The following TENM3 variants were observed in gnomAD, a reference collection of about 807,000 sequenced individuals.
TENM3 encodes the protein teneurin-3.
Under a neutral mutation model 255.1 loss-of-function variants are expected in TENM3, and 63 were observed. That is an observed-to-expected ratio of 0.25 (90% confidence interval 0.20 to 0.30). TENM3 has a LOEUF of 0.30. TENM3 is among the 10% of genes least tolerant of loss of function. The pLI is 1.00. For missense variants in TENM3, 2,929 were observed against 3,461.1 expected, an observed-to-expected ratio of 0.85 and a Z score of 3.86; for synonymous variants, 1,306 against 1,322.3, an observed-to-expected ratio of 0.99 and a Z score of 0.27.
the TENM3 span, among the ~76,000 whole-genome samples, chr4:181,971,059 C>T: frequency 1.3e-4 from 20 of 152,116 alleles, no homozygotes; most frequent in African/African-American, 4.6e-4. Flanking sequence ...GTGATCCTCC[C>T]GCCTCGAGCT....
At chr4:182,571,610 A>C (rs562968288) in intron 3 of TENM3, among the ~76,000 whole-genome samples, 1 of 152,352 alleles carries the variant, frequency 6.6e-6, no homozygotes, top group East Asian at 1.9e-4. Context: ...AAAATGTGAA[A>C]GATATAAAAT....
At chr4:181,639,395 C>T in the TENM3 span, among the ~76,000 whole-genome samples, 1 of 152,188 alleles carries the variant, frequency 6.6e-6, no homozygotes, top group Non-Finnish European at 1.5e-5. Flanking sequence ...AAGGCAGCTC[C>T]ACTCCCTGCA....
the TENM3 span, among the ~76,000 whole-genome samples, chr4:181,519,068 C>T: frequency 1.3e-5 from 2 of 152,100 alleles, no homozygotes; most frequent in African/African-American, 4.8e-5. Flanking sequence ...AGGGAAAAAG[C>T]AAATATTTGC....
At chr4:182,219,114 C>T (rs903321994) in intron 1 of TENM3, among the ~76,000 whole-genome samples, 5 of 152,000 alleles carry the variant, frequency 3.3e-5, no homozygotes, top group East Asian at 3.9e-4. Flanking sequence ...CTCAGCTACT[C>T]GGGAGGCTGA....
At chr4:182,316,292 T>C (rs1260085871) in intron 1 of TENM3, among the ~76,000 whole-genome samples, 1 of 152,202 alleles carries the variant, frequency 6.6e-6, no homozygotes, top group East Asian at 1.9e-4. Context: ...TGTGTTTAGT[T>C]TACTGCTAAT....
At chr4:182,441,522 G>T (rs1772486782) in intron 3 of TENM3, among the ~76,000 whole-genome samples, 1 of 151,892 alleles carries the variant, frequency 6.6e-6, no homozygotes, top group Non-Finnish European at 1.5e-5. Flanking sequence ...TTTTGAGATG[G>T]AGTCTCGCTC....
chr4:181,748,475 G>C, the TENM3 span, among the ~76,000 whole-genome samples: 1 of 152,050 alleles, frequency 6.6e-6, no homozygotes, highest in Non-Finnish European at 1.5e-5. Context: ...AACTCACATA[G>C]TAATCTATTT....
the TENM3 span, among the ~76,000 whole-genome samples, chr4:181,875,892 A>AG: frequency 6.6e-6 from 1 of 152,230 alleles, no homozygotes; most frequent in African/African-American, 2.4e-5. Flanking sequence ...ACAGAAAAAA[A>AG]AAATATGCAG....
chr4:181,616,099 G>A, the TENM3 span, among the ~76,000 whole-genome samples: 1 of 151,880 alleles, frequency 6.6e-6, no homozygotes, highest in Admixed American at 6.6e-5. Flanking sequence ...AATGCAAAAT[G>A]TCAACAGAGA....
At chr4:182,125,410 A>T in the TENM3 span, among the ~76,000 whole-genome samples, 1 of 152,172 alleles carries the variant, frequency 6.6e-6, no homozygotes, top group Non-Finnish European at 1.5e-5. Context: ...TTAACACCGG[A>T]TCCATAGGAT....
intron 1 of TENM3, among the ~76,000 whole-genome samples, chr4:182,292,034 G>A (rs142442647): frequency 2.1e-4 from 32 of 152,156 alleles, no homozygotes; most frequent in Middle Eastern, 3.4e-3. Flanking sequence ...TTTTATGCTC[G>A]TCTTTTTTCC....
At chr4:182,635,688 A>T (rs1428119678) in intron 5 of TENM3, among the ~76,000 whole-genome samples, 1 of 152,220 alleles carries the variant, frequency 6.6e-6, no homozygotes, top group Non-Finnish European at 1.5e-5. Flanking sequence ...CTGATTTCTA[A>T]AATACATGTT....
intron 1 of TENM3, among the ~76,000 whole-genome samples, chr4:182,196,005 G>T (rs1293445861): frequency 6.6e-6 from 1 of 152,136 alleles, no homozygotes; most frequent in African/African-American, 2.4e-5. Flanking sequence ...AAGATTAACT[G>T]CCCTAGAAAG....
At chr4:182,796,046 C>T (rs1318499711) in intron 26 of TENM3, among the ~76,000 whole-genome samples, 1 of 152,206 alleles carries the variant, frequency 6.6e-6, no homozygotes, top group Non-Finnish European at 1.5e-5. Context: ...CACCTGTGCA[C>T]AGTGAGCCTT....
chr4:181,692,104 C>T, the TENM3 span, among the ~76,000 whole-genome samples: 47 of 152,110 alleles, frequency 3.1e-4, 1 homozygote, highest in Admixed American at 1.8e-3. Flanking sequence ...CGAATTGATG[C>T]AAAGCAAAAT....
intron 27 of TENM3, among the ~76,000 whole-genome samples, chr4:182,798,729 A>C (rs1254955557): frequency 6.6e-6 from 1 of 152,248 alleles, no homozygotes; most frequent in East Asian, 1.9e-4. Flanking sequence ...CAGCCTTTTA[A>C]ATATGGTTCA....
At chr4:181,454,220 AT>A in the TENM3 span, among the ~76,000 whole-genome samples, 1 of 152,108 alleles carries the variant, frequency 6.6e-6, no homozygotes, top group Non-Finnish European at 1.5e-5. Flanking sequence ...GCCCTATAAC[AT>A]TCTACATCAT....
At chr4:182,752,099 A>T in intron 20 of TENM3, 67 bp downstream of exon 20, 2 of 1,022,234 alleles carry the variant, frequency 2.0e-6, no homozygotes, top group Non-Finnish European at 2.8e-6. Context: ...GGGGTTGAAA[A>T]TCCATTTAGT....
At chr4:181,448,031 C>T in the TENM3 span, among the ~76,000 whole-genome samples, 5 of 151,450 alleles carry the variant, frequency 3.3e-5, no homozygotes, top group South Asian at 2.1e-4. Context: ...CAGAGAGAGA[C>T]GGTGAAAGAG....
Sources: allele counts gnomAD v4.1 joint callset (sites outside exome capture counted in the v4.1 genomes callset), GRCh38; gene constraint gnomAD v4.1.1; transcripts MANE v1.5; gene names NCBI Gene and HGNC (gene_info 2026-07-23, HGNC 2026-07-21).